NPTN: variants seen among roughly 807,000 people sequenced by gnomAD.
The protein encoded by NPTN is SDR-1.
A neutral mutation model predicts 42.7 loss-of-function variants in NPTN; 5 were observed. The ratio of observed to expected loss-of-function variants is 0.12; its 90% CI spans 0.06 to 0.25. NPTN has a LOEUF of 0.25. NPTN is among the 10% of genes least tolerant of loss of function. The pLI is 1.00. For missense variants in NPTN, 307 were observed against 525.4 expected (o/e 0.58, Z 4.06); for synonymous variants, 180 against 201.9 (o/e 0.89, Z 0.92).
At chr15:73,593,943 G>A (rs990427411) in intron 2 of NPTN, among the ~76,000 whole-genome samples, 5 of 152,192 alleles carry the variant, frequency 3.3e-5, no homozygotes, top group Middle Eastern at 3.4e-3. Flanking sequence ...AAATCCCTGG[G>A]CCTTAAGAAG....
intron 2 of NPTN, among the ~76,000 whole-genome samples, chr15:73,596,543 T>C (rs1399344918): frequency 6.6e-6 from 1 of 152,066 alleles, no homozygotes; most frequent in Non-Finnish European, 1.5e-5. Flanking sequence ...AAAAAGTAGT[T>C]AGACTGGGGA....
chr15:73,567,375 G>A, intron 6 of NPTN: 1 of 985,412 alleles, frequency 1.0e-6, no homozygotes, highest in Non-Finnish European at 1.2e-6. Context: ...CAGAGCCACA[G>A]ATGGTTATCT....
chr15:73,598,248 A>T (rs2141411603), intron 1 of NPTN, among the ~76,000 whole-genome samples: 1 of 152,262 alleles, frequency 6.6e-6, no homozygotes, highest in East Asian at 1.9e-4. Context: ...AAGCTATGGT[A>T]TTTGACAGGC....
intron 3 of NPTN, 153 bp downstream of exon 3, chr15:73,591,813 C>T (rs539283575): frequency 1.6e-6 from 1 of 638,706 alleles, no homozygotes; most frequent in African/African-American, 1.8e-5. Context: ...TTCTAGACTA[C>T]TGGGCCTTAC....
chr15:73,562,361 G>C (rs971226870), intron 7 of NPTN, among the ~76,000 whole-genome samples: 1 of 152,208 alleles, frequency 6.6e-6, no homozygotes, highest in African/African-American at 2.4e-5. Flanking sequence ...GTAGTAGGTA[G>C]ACTCAACCTG....
chr15:73,573,981 C>T (rs1156907819), intron 4 of NPTN, among the ~76,000 whole-genome samples, 186 bp from the exon 5 acceptor site: 1 of 152,194 alleles, frequency 6.6e-6, no homozygotes, highest in Non-Finnish European at 1.5e-5. Context: ...TCCTCTACCC[C>T]CCACCCGCTA....
chr15:73,582,588 GTACACCAT>G lies in NPTN; in HGVS notation c.706+4928_706+4935del, dbSNP rs1241182033. On this transcript the variant is annotated intron_variant, in intron 4 of 8. Coordinates refer to ENST00000345330, the MANE Select transcript of NPTN (RefSeq NM_012428.4). The stretch of plus-strand genomic sequence containing the variant: ...AAGACAGTGACCCTCAACCCTGGCT[GTACACCAT>G]AATCACCTGATGTGCCTTAATCTGA... Among the ~76,000 whole-genome samples the G allele has an allele frequency of 7.9e-4, 120 of 152,274 alleles. 1 individual carries two copies. In the East Asian group the frequency reaches 0.018, roughly 22 times the overall value.
Position 73,567,166 on chromosome 15 carries a change from T to C in NPTN, c.1114+2984A>G, listed in dbSNP as rs138585178. 931 of 985,010 alleles carry C rather than the reference T, an allele frequency of 9.5e-4. 4 individuals carry two copies. In the African/African-American group the frequency reaches 0.015, roughly 16 times the overall value. 61.0% of individuals were successfully genotyped at this position (985,010 alleles called of 1,614,324 possible). On this transcript the variant is annotated intron_variant, in intron 6 of 8. Transcript: ENST00000345330. ...CTTTTGTATTGTTCACTTAGTGCTTTTGTAGTAAGGGGATGAGTTACCAAG... is the reference window on the plus strand; with the variant it reads ...CTTTTGTATTGTTCACTTAGTGCTTCTGTAGTAAGGGGATGAGTTACCAAG...
intron 1 of NPTN, among the ~76,000 whole-genome samples, chr15:73,616,206 G>A (rs1446402904): frequency 1.3e-5 from 2 of 152,046 alleles, no homozygotes; most frequent in Non-Finnish European, 2.9e-5. Flanking sequence ...GACTGACCAA[G>A]TACATTATGA....
At chr15:73,625,115 GC>G (rs1310098915) in intron 1 of NPTN, among the ~76,000 whole-genome samples, 1 of 151,916 alleles carries the variant, frequency 6.6e-6, no homozygotes, top group African/African-American at 2.4e-5. Flanking sequence ...ATAAACAAAA[GC>G]CCCAAACTAC....
chr15:73,605,067 C>T lies in NPTN; in HGVS notation c.92-7698G>A, dbSNP rs202128949. ...GAGCTATGATCATTCCACTGCACTC[C>T]AGCCTGGTGACAGAGTAGAGACCCT... On this transcript the variant is annotated intron_variant, in intron 1 of 8. Transcript: ENST00000345330. Among the ~76,000 whole-genome samples the T allele has an allele frequency of 7.4e-5, 11 of 147,986 alleles. No individual in the cohort carries two copies. The East Asian group carries it at 2.2e-3, about 30-fold the overall frequency.
intron 1 of NPTN, among the ~76,000 whole-genome samples, chr15:73,621,668 C>T (rs1054001423): frequency 6.6e-6 from 1 of 152,278 alleles, no homozygotes. Context: ...ACTTCATTAC[C>T]CAACAAGATG....
chr15:73,631,716 C>T (rs1898754483), intron 1 of NPTN, among the ~76,000 whole-genome samples: 4 of 152,222 alleles, frequency 2.6e-5, no homozygotes, highest in Admixed American at 2.6e-4. Context: ...CTCTCCAGTA[C>T]TGACTTCTCA....
intron 1 of NPTN, among the ~76,000 whole-genome samples, chr15:73,623,390 A>G (rs1446332982): frequency 2.0e-5 from 3 of 152,216 alleles, no homozygotes; most frequent in Non-Finnish European, 4.4e-5. Context: ...TCTGATCTTT[A>G]AAAACTTCTG....
intron 4 of NPTN, among the ~76,000 whole-genome samples, chr15:73,580,593 T>C (rs1438881137): frequency 8.4e-6 from 1 of 119,010 alleles, no homozygotes; most frequent in Non-Finnish European, 1.8e-5. Flanking sequence ...ACATGTTATA[T>C]ATGTATATAT....
Position 73,567,553 on chromosome 15 carries a change from A to G in NPTN, c.1114+2597T>C, listed in dbSNP as rs1302528282. 3 of 985,328 alleles carry G rather than the reference A, an allele frequency of 3.0e-6. No homozygotes were observed. The East Asian group carries it at 3.4e-4, about 112-fold the overall frequency. The allele number at this position is 985,328 out of a possible 1,614,324, so 61.0% of individuals were successfully genotyped here. A position where few individuals can be genotyped will look rare whatever the true frequency, so the allele number is the denominator to read the frequency against. ...AGTTTGTCCTTCCTATGGAGTGCACAGGGGTTGAGGGGAACTGGCTAAAGA... is the reference window on the plus strand; with the variant it reads ...AGTTTGTCCTTCCTATGGAGTGCACGGGGGTTGAGGGGAACTGGCTAAAGA... On this transcript the variant is annotated intron_variant, in intron 6 of 8. Transcript: ENST00000345330.
At chr15:73,577,388 A>T (rs566057879) in intron 4 of NPTN, among the ~76,000 whole-genome samples, 2 of 152,308 alleles carry the variant, frequency 1.3e-5, no homozygotes, top group African/African-American at 4.8e-5. Flanking sequence ...CCAAAGGGAG[A>T]GACTGAAACC....
intron 3 of NPTN, among the ~76,000 whole-genome samples, chr15:73,588,117 G>A (rs1397733795): frequency 6.6e-6 from 1 of 152,132 alleles, no homozygotes; most frequent in African/African-American, 2.4e-5. Context: ...GCACATGCCT[G>A]TAATCCCAGC....
At chr15:73,603,081 T>C (rs924631424) in intron 1 of NPTN, among the ~76,000 whole-genome samples, 6 of 152,244 alleles carry the variant, frequency 3.9e-5, no homozygotes, top group Non-Finnish European at 5.9e-5. Context: ...CATAAGGCTC[T>C]GTCACTAACT....
Sources: gnomAD v4.1 joint callset for allele counts (sites outside exome capture counted in the v4.1 genomes callset) on GRCh38, gnomAD v4.1.1 for gene constraint, MANE v1.5 for transcripts, NCBI Gene and HGNC (gene_info 2026-07-23, HGNC 2026-07-21) for gene names.